The following DCAF10 variants were observed in gnomAD, a reference collection of about 807,000 sequenced individuals.
DCAF10 encodes DDB1 and CUL4 associated factor 10, also known as DDB1- and CUL4-associated factor 10.
A neutral mutation model predicts 51.9 loss-of-function variants in DCAF10; 19 were observed. The ratio of observed to expected loss-of-function variants is 0.37; its 90% CI spans 0.26 to 0.54. DCAF10 has a LOEUF of 0.54. Ranked by LOEUF, DCAF10 falls within the 20% of genes least tolerant of loss-of-function variation. DCAF10 has a pLI of 0.87. For missense variants in DCAF10, 510 were observed against 730.6 expected (o/e 0.70, Z 3.48); for synonymous variants, 291 against 297.1 (o/e 0.98, Z 0.21).
At chr9:37,854,570 A>T (rs1438677941) in intron 3 of DCAF10, among the ~76,000 whole-genome samples, 1 of 152,152 alleles carries the variant, frequency 6.6e-6, no homozygotes, top group African/African-American at 2.4e-5. Context: ...GCTATTTTAT[A>T]ATATACTGTA....
At chr9:37,845,369 CAT>C (rs771138392) in intron 3 of DCAF10, among the ~76,000 whole-genome samples, 5 of 152,100 alleles carry the variant, frequency 3.3e-5, no homozygotes, top group Non-Finnish European at 7.4e-5. Context: ...AGAAAAAAGA[CAT>C]AAATAACTAA....
At chr9:37,850,826 T>TTTTATATA (rs1328675062) in intron 3 of DCAF10, among the ~76,000 whole-genome samples, 7 of 45,874 alleles carry the variant, frequency 1.5e-4, no homozygotes, top group Non-Finnish European at 3.5e-4. Context: ...AGGATATATT[T>TTTTATATA]TATATATATA....
chr9:37,812,214 A>G (rs1360642219), intron 1 of DCAF10, among the ~76,000 whole-genome samples: 2 of 152,054 alleles, frequency 1.3e-5, no homozygotes, highest in African/African-American at 4.8e-5. Flanking sequence ...AAACCTTCCA[A>G]CTGCTTTAAA....
At chr9:37,814,121 TATATATTTG>T (rs1430710695) in intron 1 of DCAF10, among the ~76,000 whole-genome samples, 7 of 87,460 alleles carry the variant, frequency 8.0e-5, no homozygotes, top group African/African-American at 2.8e-4. Context: ...TATATATATA[TATATATTTG>T]TTGTTGTTGT....
At chr9:37,841,244 T>C (rs1211955035) in intron 2 of DCAF10, among the ~76,000 whole-genome samples, 1 of 152,196 alleles carries the variant, frequency 6.6e-6, no homozygotes, top group Non-Finnish European at 1.5e-5. Flanking sequence ...AAGGTCGTTA[T>C]GGTGTTTGTG....
chr9:37,815,843 G>T (rs1829511463), intron 1 of DCAF10, among the ~76,000 whole-genome samples: 1 of 152,126 alleles, frequency 6.6e-6, no homozygotes, highest in Admixed American at 6.5e-5. Context: ...AGCTAGGCTG[G>T]AGTGCAGTGG....
In DCAF10 at chr9:37,861,135, C is replaced by A; in HGVS notation, c.1312-5C>A. ...CCTTGGTTTGTCTCCCTTCTCTCCC[C>A]CTAGTGTACTTGTGTCTATGAATTC... On this transcript the variant is annotated splice_region_variant and splice_polypyrimidine_tract_variant and intron_variant, in intron 6 of 6. Transcript: ENST00000377724. The surrounding 1 kb of genome is among the most constrained non-coding windows in gnomAD (Gnocchi z 4.9). 1 of 1,593,848 alleles carries A rather than the reference C, an allele frequency of 6.3e-7. No individual in the cohort carries two copies. The highest frequency in any genetic ancestry group is 1.1e-5 in the South Asian group (1 of 90,628).
chr9:37,816,015 A>G lies in DCAF10; in HGVS notation c.540-3273A>G, dbSNP rs547385681. ...CACTGTGTTGCACAGGCTGGTCTCA[A>G]ACTCCTGAGCTCAAGTAATCTTTCC... On this transcript the variant is annotated intron_variant, in intron 1 of 6. Coordinates refer to ENST00000377724, the MANE Select transcript of DCAF10 (RefSeq NM_024345.5). Among the ~76,000 whole-genome samples the G allele has an allele frequency of 5.9e-3, 896 of 152,316 alleles. 4 individuals are homozygous for G. Among genetic ancestry groups the G allele is most frequent in the Non-Finnish European group, 9.8e-3 (670 of 68,024 alleles).
intron 2 of DCAF10, among the ~76,000 whole-genome samples, chr9:37,824,370 T>C (rs1016167311): frequency 6.6e-6 from 1 of 151,974 alleles, no homozygotes; most frequent in African/African-American, 2.4e-5. Context: ...AAGAGGAAGA[T>C]AAAAATATTA....
intron 5 of DCAF10, among the ~76,000 whole-genome samples, chr9:37,858,793 CTA>C (rs1489425057): frequency 6.6e-6 from 1 of 152,204 alleles, no homozygotes; most frequent in Non-Finnish European, 1.5e-5. Context: ...CATTAGAACT[CTA>C]TTTTTGACAT....
At chr9:37,856,684 G>A (rs980257299) in intron 4 of DCAF10, among the ~76,000 whole-genome samples, 1 of 152,088 alleles carries the variant, frequency 6.6e-6, no homozygotes. Flanking sequence ...AGTGGTGCAT[G>A]CCTTTAGGCC....
chr9:37,816,659 G>GGGTGTGTGTGTGTGTGT (rs372664140), intron 1 of DCAF10, among the ~76,000 whole-genome samples: 1 of 144,890 alleles, frequency 6.9e-6, no homozygotes, highest in African/African-American at 2.5e-5. Flanking sequence ...CTGCACCTGG[G>GGGTGTGTGTGTGTGTGT]GTGTGTGTGT....
In DCAF10 at chr9:37,857,299, T is replaced by C. The variant is rs765324992; in HGVS notation, c.1113T>C (p.His371=). The change falls in exon 5 of 7, where the codon CAT becomes CAC. Residue 371 remains histidine (H), a synonymous_variant. Coordinates refer to ENST00000377724, the MANE Select transcript of DCAF10 (RefSeq NM_024345.5). ...GPRVSGSPCH[H]SDSNSSEKHM... ...GAGTTTCTGGCTCACCTTGTCATCA[T>C]AGTGATTCTAATTCTTCTGAGAAAC... The C allele has an allele frequency of 1.6e-5, 25 of 1,611,732 alleles. No individual in the cohort carries two copies. Among genetic ancestry groups the C allele is most frequent in the Non-Finnish European group, 2.0e-5 (23 of 1,179,266 alleles).
intron 1 of DCAF10, among the ~76,000 whole-genome samples, chr9:37,809,356 T>G (rs1436328907): frequency 8.1e-6 from 1 of 123,516 alleles, no homozygotes; most frequent in Admixed American, 7.9e-5. Flanking sequence ...CTGCAAATAA[T>G]AGGAAAATCA....
chr9:37,845,814 T>C (rs920823960), intron 3 of DCAF10, among the ~76,000 whole-genome samples: 4 of 152,172 alleles, frequency 2.6e-5, no homozygotes, highest in African/African-American at 9.7e-5. Context: ...GCGGTGCTTG[T>C]TATTTAAATA....
chr9:37,852,930 TTATATATATATATA>T lies in DCAF10; in HGVS notation c.852-1827_852-1814del, dbSNP rs59469290. ...CATCATAAATGTTAAGTATGTGAGG[TTATATATATATATA>T]TATATATATATATATATATATAAAT... On this transcript the variant is annotated intron_variant, in intron 3 of 6. Coordinates refer to ENST00000377724, the MANE Select transcript of DCAF10 (RefSeq NM_024345.5). Among the ~76,000 whole-genome samples, 193 of 109,822 alleles carry T rather than the reference TTATATATATATATA, an allele frequency of 1.8e-3. 2 individuals are homozygous for T. Among genetic ancestry groups the T allele is most frequent in the African/African-American group, 5.5e-3 (158 of 28,684 alleles). The allele number at this position is 109,822 out of a possible 152,430, so 72.0% of individuals were successfully genotyped here.
intron 2 of DCAF10, chr9:37,836,437 A>C: frequency 1.4e-6 from 2 of 1,470,746 alleles, no homozygotes; most frequent in African/African-American, 1.4e-5. Flanking sequence ...ATTTGAAATG[A>C]GGGTGGGCCA....
intron 3 of DCAF10, among the ~76,000 whole-genome samples, chr9:37,848,529 A>G (rs1173289708): frequency 6.6e-6 from 1 of 152,184 alleles, no homozygotes; most frequent in Non-Finnish European, 1.5e-5. Context: ...AAATCTATAG[A>G]GACAGAAAGT....
At chr9:37,836,812 T>C (rs909345680) in intron 2 of DCAF10, among the ~76,000 whole-genome samples, 6 of 152,164 alleles carry the variant, frequency 3.9e-5, no homozygotes. Context: ...CTTTGGTTAA[T>C]TCAGATTGAG....
Sources: gnomAD v4.1 joint callset for allele counts (sites outside exome capture counted in the v4.1 genomes callset) on GRCh38, gnomAD v4.1.1 for gene constraint, Gnocchi (gnomAD v3.1) non-coding constraint, MANE v1.5 for transcripts, NCBI Gene and HGNC (gene_info 2026-07-23, HGNC 2026-07-21) for gene names.